Variants in PLS3 observed in about 807,000 individuals in gnomAD.
PLS3 encodes the protein plastin 3.
A neutral mutation model predicts 46.5 loss-of-function variants in PLS3; 11 were observed. That is an observed-to-expected ratio of 0.24 (90% confidence interval 0.15 to 0.39). The LOEUF is 0.39. Among genes scored for constraint, PLS3 ranks in the 10% least tolerant of loss-of-function variants. The pLI, the probability that PLS3 is intolerant of heterozygous loss-of-function variation, is 1.00. For synonymous variants in PLS3, 167 were observed against 162.2 expected, an observed-to-expected ratio of 1.03 and a Z score of -0.22; for missense variants, 308 against 461.8, an observed-to-expected ratio of 0.67 and a Z score of 3.05.
At chrX:115,627,035 G>T (rs2074718175) in intron 3 of PLS3, among the ~76,000 whole-genome samples, 1 of 108,894 alleles carries the variant, frequency 9.2e-6, no homozygotes, top group Non-Finnish European at 1.9e-5. Flanking sequence ...TTTTAGTAGA[G>T]ACTGGGTTTC....
At chrX:115,570,997 C>T (rs1368187067) in intron 1 of PLS3, among the ~76,000 whole-genome samples, 4 of 105,222 alleles carry the variant, frequency 3.8e-5, no homozygotes, top group Admixed American at 1.0e-4. Context: ...CGGGTTCATG[C>T]GATTCTCCTG....
intron 1 of PLS3, among the ~76,000 whole-genome samples, chrX:115,584,589 G>C (rs1556632196): frequency 9.0e-6 from 1 of 111,597 alleles, no homozygotes; most frequent in African/African-American, 3.3e-5. Flanking sequence ...TCATTTATCA[G>C]TGTTATACTT....
At chrX:115,610,897 C>T in intron 2 of PLS3, 1 of 1,055,063 alleles carries the variant, frequency 9.5e-7, no homozygotes, top group South Asian at 2.0e-5. Context: ...ATATAACATG[C>T]CTTACAATTG....
chrX:115,630,870 T>TATA, intron 5 of PLS3, among the ~76,000 whole-genome samples: 1 of 95,442 alleles, frequency 1.0e-5, no homozygotes, highest in African/African-American at 3.8e-5. Context: ...ATTATACATG[T>TATA]ATATATGTAT....
chrX:115,649,457 G>A lies in PLS3; in HGVS notation c.1789G>A (p.Gly597Arg). ...KYAVSMARRI[G>R]ARVYALPEDL... ...TGCAGTGTCAATGGCTAGAAGAATC[G>A]GAGCCAGAGTGTATGCTCTCCCTGA... Residue 597 changes from glycine to arginine, a missense_variant, in exon 16 of 16, where the codon GGA becomes AGA. Physicochemically the swap from Gly to Arg is moderately radical, Grantham distance 125. This residue lies in a region of PLS3 where 271 missense variants were observed against 435.7 expected (regional missense o/e 0.62). Transcript: ENST00000355899. 1.7e-6 allele frequency: 2 copies of A among 1,203,368 alleles called. No homozygotes were observed. Among genetic ancestry groups the A allele is most frequent in the Non-Finnish European group, 2.2e-6 (2 of 889,092 alleles).
chrX:115,616,667 G>A (rs1477174671), intron 2 of PLS3, among the ~76,000 whole-genome samples: 1 of 111,482 alleles, frequency 9.0e-6, no homozygotes, highest in Admixed American at 9.6e-5. Flanking sequence ...TTGACTGAGG[G>A]TTCGAAATAA....
At chrX:115,597,139 T>G (rs1401543843) in intron 1 of PLS3, among the ~76,000 whole-genome samples, 1 of 110,341 alleles carries the variant, frequency 9.1e-6, no homozygotes, top group Non-Finnish European at 1.9e-5. Flanking sequence ...AGTGAGACTC[T>G]GCCTCAAAAC....
chrX:115,638,401 G>A (rs1264768727), intron 8 of PLS3, among the ~76,000 whole-genome samples: 1 of 110,222 alleles, frequency 9.1e-6, no homozygotes, highest in Non-Finnish European at 1.9e-5. Flanking sequence ...GAGCCACTGT[G>A]CCCGGCCTGA....
intron 1 of PLS3, among the ~76,000 whole-genome samples, chrX:115,574,057 G>T (rs1373379971): frequency 9.0e-6 from 1 of 111,552 alleles, no homozygotes; most frequent in African/African-American, 3.3e-5. Flanking sequence ...AAATCTAACA[G>T]TTGTTTCATT....
chrX:115,594,802 T>C (rs782011858), intron 1 of PLS3, among the ~76,000 whole-genome samples: 164 of 111,136 alleles, frequency 1.5e-3, no homozygotes, highest in African/African-American at 5.2e-3. Context: ...AATTAATTAA[T>C]TTCATTAGCA....
At chrX:115,617,959 C>G (rs781831621) in intron 2 of PLS3, among the ~76,000 whole-genome samples, 7 of 111,339 alleles carry the variant, frequency 6.3e-5, no homozygotes, top group Non-Finnish European at 1.3e-4. Flanking sequence ...CAGTGTCTCA[C>G]TCTGGTGCCC....
chrX:115,607,294 A>C (rs868986214), intron 1 of PLS3, among the ~76,000 whole-genome samples: 1,238 of 77,529 alleles, frequency 0.016, 25 homozygotes, highest in African/African-American at 0.053. Flanking sequence ...CAACAAAAAA[A>C]AAACCCACAA....
intron 1 of PLS3, among the ~76,000 whole-genome samples, chrX:115,601,408 A>T (rs1556634581): frequency 9.3e-6 from 1 of 107,096 alleles, no homozygotes; most frequent in African/African-American, 3.4e-5. Context: ...TTATCAGGAG[A>T]TTAGCAGTGT....
At chrX:115,595,675 T>C (rs1359100751) in intron 1 of PLS3, among the ~76,000 whole-genome samples, 1 of 107,945 alleles carries the variant, frequency 9.3e-6, no homozygotes, top group African/African-American at 3.4e-5. Context: ...GCAATTTATA[T>C]TTATTTTCTT....
At chrX:115,612,360 G>A (rs948566464) in intron 2 of PLS3, among the ~76,000 whole-genome samples, 3 of 111,403 alleles carry the variant, frequency 2.7e-5, no homozygotes, top group African/African-American at 6.5e-5. Context: ...GGACCCAGCC[G>A]AGTCTTTCGA....
intron 8 of PLS3, chrX:115,640,031 C>T (rs2074878830): frequency 1.5e-6 from 1 of 687,763 alleles, no homozygotes; most frequent in African/African-American, 2.2e-5. Flanking sequence ...AATGATATAA[C>T]CTGTTTATTT....
At chrX:115,634,405 A>T (rs2074809046) in intron 6 of PLS3, among the ~76,000 whole-genome samples, 1 of 110,842 alleles carries the variant, frequency 9.0e-6, no homozygotes, top group African/African-American at 3.3e-5. Flanking sequence ...GAAATGGAGC[A>T]TTTTTTTTTC....
intron 1 of PLS3, among the ~76,000 whole-genome samples, chrX:115,573,386 G>A (rs782050104): frequency 8.9e-6 from 1 of 111,978 alleles, no homozygotes; most frequent in East Asian, 2.8e-4. Context: ...CAGTGTCTTG[G>A]AATAAAATAG....
intron 7 of PLS3, among the ~76,000 whole-genome samples, chrX:115,635,977 C>T (rs1556640161): frequency 2.8e-5 from 3 of 107,901 alleles, no homozygotes; most frequent in Non-Finnish European, 3.8e-5. Flanking sequence ...GCCGAGATCA[C>T]GCCACTGCAC....
Sources: gnomAD v4.1 joint callset for allele counts (sites outside exome capture counted in the v4.1 genomes callset) on GRCh38, gnomAD v4.1.1 for gene constraint, gnomAD v4.1.1 regional missense constraint, MANE v1.5 for transcripts, NCBI Gene and HGNC (gene_info 2026-07-23, HGNC 2026-07-21) for gene names.